Variants in CARD8 observed in about 807,000 individuals in gnomAD.
CARD8 encodes caspase recruitment domain-containing protein 8.
Under a neutral mutation model 53.2 loss-of-function variants are expected in CARD8, and 38 were observed. That is an observed-to-expected ratio of 0.71 (90% CI 0.55 to 0.94). The LOEUF (loss-of-function observed/expected upper bound fraction) is 0.94, where lower values mean the gene tolerates loss of function less well. Ranked by LOEUF, CARD8 falls within the 40% of genes least tolerant of loss-of-function variation. CARD8 has a pLI of 0.00. For missense variants in CARD8, 561 were observed against 655.5 expected, an observed-to-expected ratio of 0.86 and a Z score of 1.57; for synonymous variants, 245 against 244.9, an observed-to-expected ratio of 1.00 and a Z score of 0.00.
rs551348655 is a variant in CARD8 at position 48,215,397 on chromosome 19, GA to G, written c.1304-14del. 3.8e-6 allele frequency: 6 copies of G among 1,594,312 alleles called. No homozygotes were observed. The highest frequency in any genetic ancestry group is 3.4e-6 in the Non-Finnish European group (4 of 1,162,678). On this transcript the variant is annotated splice_polypyrimidine_tract_variant and intron_variant, in intron 12 of 13. Transcript: ENST00000651546. ...AGCTGGAGATCCACTACAAAAGAGG[GA>G]AAAATTATATGATGAGATGAGATAA...
intron 5 of CARD8, among the ~76,000 whole-genome samples, chr19:48,236,584 C>T (rs2043930420): frequency 6.6e-6 from 1 of 152,132 alleles, no homozygotes; most frequent in African/African-American, 2.4e-5. Context: ...TGCAGCACTG[C>T]TTTTAAAATA....
chr19:48,233,606 A>G, intron 6 of CARD8: 1 of 334,806 alleles, frequency 3.0e-6, no homozygotes, highest in South Asian at 2.3e-5. Context: ...TTCCTGGTGC[A>G]TGTGCATGCT....
intron 10 of CARD8, among the ~76,000 whole-genome samples, chr19:48,228,791 T>A (rs2042275856): frequency 6.6e-6 from 1 of 151,942 alleles, no homozygotes; most frequent in African/African-American, 2.4e-5. Context: ...GGCTCCCACA[T>A]AAGGGAAGAG....
downstream of CARD8, among the ~76,000 whole-genome samples, chr19:48,206,074 T>C (rs2037333495): frequency 6.6e-6 from 1 of 151,836 alleles, no homozygotes; most frequent in African/African-American, 2.4e-5. Flanking sequence ...ATTTTTGTAT[T>C]TTCAGTAGAG....
chr19:48,222,418 C>T (rs959110457), intron 10 of CARD8, among the ~76,000 whole-genome samples: 1 of 152,174 alleles, frequency 6.6e-6, no homozygotes, highest in Non-Finnish European at 1.5e-5. Flanking sequence ...CAGCCAGGCA[C>T]GGTGGTTCAC....
chr19:48,226,222 A>C (rs899491060), intron 10 of CARD8, among the ~76,000 whole-genome samples: 1 of 151,908 alleles, frequency 6.6e-6, no homozygotes, highest in Non-Finnish European at 1.5e-5. Flanking sequence ...TCTTTCCAAC[A>C]TTTATTTTAT....
chr19:48,252,694 C>T (rs942754896), intron 1 of CARD8, among the ~76,000 whole-genome samples: 3 of 151,502 alleles, frequency 2.0e-5, no homozygotes, highest in African/African-American at 7.3e-5. Context: ...GACAGAGTTT[C>T]CCCACGTTGG....
rs2146365376 is a variant in CARD8, at chr19:48,234,471, CTCA to C, written c.279_281del (p.Asp93del). 2.5e-6 allele frequency: 4 copies of C among 1,613,958 alleles called. No individual in the cohort carries two copies. Among genetic ancestry groups the C allele is most frequent in the Non-Finnish European group, 3.4e-6 (4 of 1,179,876 alleles). On this transcript the variant is annotated inframe_deletion, in exon 6 of 14. Transcript: ENST00000651546. Reference sequence around the variant, plus strand: ...GGAACAATAATGGCTCTGCCTCTGTCTCATCATCTTCTTGGAAAAAATGTGAGA... The same window carrying C: ...GGAACAATAATGGCTCTGCCTCTGTCTCATCTTCTTGGAAAAAATGTGAGA...
downstream of CARD8, chr19:48,203,904 A>C: frequency 3.5e-6 from 1 of 287,950 alleles, no homozygotes; most frequent in Non-Finnish European, 6.9e-6. Context: ...GAAAGCTACA[A>C]CTCCCAGCCG....
chr19:48,203,488 T>C (rs573427158), downstream of CARD8: 3 of 152,390 alleles, frequency 2.0e-5, no homozygotes, highest in Non-Finnish European at 4.4e-5. Flanking sequence ...TACCTGTCTA[T>C]AGGGCTTTGT....
downstream of CARD8, among the ~76,000 whole-genome samples, chr19:48,204,431 A>C (rs1397886143): frequency 6.6e-6 from 1 of 151,922 alleles, no homozygotes; most frequent in South Asian, 2.1e-4. Flanking sequence ...TAATAAGGAG[A>C]TTTGGGGAGA....
At chr19:48,238,164 T>G in intron 5 of CARD8, 1 of 721,444 alleles carries the variant, frequency 1.4e-6, no homozygotes, top group South Asian at 2.1e-5. Flanking sequence ...GTGCTGAGAT[T>G]ACAGGTGTGA....
intron 13 of CARD8, among the ~76,000 whole-genome samples, chr19:48,214,590 T>C (rs375761576): frequency 6.6e-5 from 10 of 151,900 alleles, no homozygotes; most frequent in African/African-American, 2.4e-4. Flanking sequence ...CGGGCCACTA[T>C]GCAGGCGACC....
chr19:48,234,585 G>A, intron 5 of CARD8, 42 bp from the exon 6 acceptor site: 1 of 1,575,386 alleles, frequency 6.3e-7, no homozygotes, highest in Non-Finnish European at 8.6e-7. Flanking sequence ...ATATAAGGTA[G>A]GTGCCTGATG....
At chr19:48,226,017 G>A (rs552402871) in intron 10 of CARD8, among the ~76,000 whole-genome samples, 5 of 136,568 alleles carry the variant, frequency 3.7e-5, no homozygotes, top group Admixed American at 3.2e-4. Flanking sequence ...CACGCCCACT[G>A]CACTCCAGCC....
intron 3 of CARD8, chr19:48,242,666 T>C (rs1210685827): frequency 6.6e-6 from 1 of 152,234 alleles, no homozygotes; most frequent in East Asian, 1.9e-4. Flanking sequence ...AATGATACTG[T>C]GAATATTCAG....
intron 11 of CARD8, 125 bp from the exon 12 acceptor site, chr19:48,219,137 CAG>C (rs2039981765): frequency 1.2e-6 from 1 of 805,612 alleles, no homozygotes; most frequent in Non-Finnish European, 2.0e-6. Context: ...GAGTGGGAAA[CAG>C]AGGGAGAGAG....
At chr19:48,243,453 T>C (rs1465028239) in intron 3 of CARD8, among the ~76,000 whole-genome samples, 4 of 152,386 alleles carry the variant, frequency 2.6e-5, no homozygotes, top group Non-Finnish European at 5.9e-5. Context: ...CAAATATTTC[T>C]ATCCAATTTT....
intron 5 of CARD8, among the ~76,000 whole-genome samples, chr19:48,236,780 T>C (rs193273534): frequency 1.3e-5 from 2 of 152,120 alleles, no homozygotes; most frequent in African/African-American, 4.8e-5. Context: ...GGTTTTTTTG[T>C]TTTTTGTTTT....
Sources: allele counts gnomAD v4.1 joint callset (sites outside exome capture counted in the v4.1 genomes callset), GRCh38; gene constraint gnomAD v4.1.1; transcripts MANE v1.5; gene names NCBI Gene and HGNC (gene_info 2026-07-23, HGNC 2026-07-21).